CDH4: variants seen among roughly 807,000 people sequenced by gnomAD.
The protein encoded by CDH4 is cadherin-4.
Under a neutral mutation model 86.0 loss-of-function variants are expected in CDH4, and 33 were observed. The observed-to-expected ratio is 0.38, with a 90% CI of 0.29 to 0.51. The LOEUF (loss-of-function observed/expected upper bound fraction) is 0.51. Among genes scored for constraint, CDH4 ranks in the 20% least tolerant of loss-of-function variants. The pLI, the probability that CDH4 is intolerant of heterozygous loss-of-function variation, is 0.86. For synonymous variants in CDH4, 555 were observed against 549.4 expected, an observed-to-expected ratio of 1.01 and a Z score of -0.14; for missense variants, 1,114 against 1,307.4, an observed-to-expected ratio of 0.85 and a Z score of 2.28.
At chr20:61,706,636 A>G (rs1201639817) in intron 2 of CDH4, among the ~76,000 whole-genome samples, 2 of 152,102 alleles carry the variant, frequency 1.3e-5, no homozygotes, top group African/African-American at 4.8e-5. Context: ...AACCAAGACC[A>G]AAGGGATCGG....
chr20:61,812,139 A>T (rs1319125627), intron 4 of CDH4, among the ~76,000 whole-genome samples: 1 of 149,338 alleles, frequency 6.7e-6, no homozygotes, highest in Admixed American at 6.6e-5. Flanking sequence ...AGCTTCACTC[A>T]GGTTTTCTAG....
intron 2 of CDH4, among the ~76,000 whole-genome samples, chr20:61,705,501 A>G (rs1037675947): frequency 2.0e-5 from 3 of 152,336 alleles, no homozygotes; most frequent in East Asian, 1.9e-4. Flanking sequence ...CCATCTTCAC[A>G]GTGTCTTTCA....
At chr20:61,297,345 C>T (rs114661718) in intron 2 of CDH4, among the ~76,000 whole-genome samples, 63 of 152,278 alleles carry the variant, frequency 4.1e-4, no homozygotes, top group African/African-American at 1.2e-3. Context: ...GCCGAGATCG[C>T]GCCATTGTAC....
rs6061633 is a variant in CDH4, at chr20:61,544,268, A to G, written c.170-199295A>G. 0.13 allele frequency among the ~76,000 whole-genome samples: 20,061 copies of G among 152,034 alleles called. 1,403 individuals are homozygous for G. The highest frequency in any genetic ancestry group is 0.16 in the African/African-American group (6,831 of 41,478). On this transcript the variant is annotated intron_variant, in intron 2 of 15. Transcript: ENST00000614565. This position sits in a 1 kb window ranked among gnomAD's most constrained non-coding sequence, Gnocchi z 6.5. Reference sequence around the variant, plus strand: ...ATGTATATGGCGGGGTACGGCTGACATCGAGCGGGTGGAGGCTGGGTACGG... The same window carrying G: ...ATGTATATGGCGGGGTACGGCTGACGTCGAGCGGGTGGAGGCTGGGTACGG...
chr20:61,394,179 C>T (rs1371811201), intron 2 of CDH4, among the ~76,000 whole-genome samples: 1 of 152,126 alleles, frequency 6.6e-6, no homozygotes, highest in Non-Finnish European at 1.5e-5. Flanking sequence ...ATTTTCCTCT[C>T]TAACCACAGC....
At chr20:61,825,737 C>T (rs1981279573) in intron 4 of CDH4, among the ~76,000 whole-genome samples, 1 of 152,194 alleles carries the variant, frequency 6.6e-6, no homozygotes. Flanking sequence ...CAAGGCATTG[C>T]TGTTACATGG....
intron 2 of CDH4, among the ~76,000 whole-genome samples, chr20:61,520,335 C>A (rs1032824667): frequency 3.3e-5 from 5 of 152,214 alleles, no homozygotes; most frequent in Non-Finnish European, 5.9e-5. Context: ...GCCTAGGAAC[C>A]CAGGCTCCAG....
At chr20:61,884,467 G>T (rs1467979722) in intron 7 of CDH4, among the ~76,000 whole-genome samples, 1 of 152,156 alleles carries the variant, frequency 6.6e-6, no homozygotes, top group Non-Finnish European at 1.5e-5. Context: ...AGTTTAAAGG[G>T]GTGAGCAGGG....
At chr20:61,543,696 G>T (rs1600743253) in intron 2 of CDH4, among the ~76,000 whole-genome samples, 1 of 152,200 alleles carries the variant, frequency 6.6e-6, no homozygotes, top group African/African-American at 2.4e-5. Flanking sequence ...CCCCCAGGAG[G>T]CTGCATAAAG....
At chr20:61,760,315 TC>T in intron 3 of CDH4, among the ~76,000 whole-genome samples, 1 of 152,162 alleles carries the variant, frequency 6.6e-6, no homozygotes, top group Non-Finnish European at 1.5e-5. Flanking sequence ...CTCTAAACTT[TC>T]CCCCAGGACA....
chr20:61,482,614 C>A (rs1568860651), intron 2 of CDH4, among the ~76,000 whole-genome samples: 1 of 152,212 alleles, frequency 6.6e-6, no homozygotes, highest in African/African-American at 2.4e-5. Context: ...CCCTGTTCTG[C>A]TGCACCGCTT....
chr20:61,620,560 G>A (rs568663255), intron 2 of CDH4, among the ~76,000 whole-genome samples: 2 of 152,058 alleles, frequency 1.3e-5, no homozygotes, highest in Non-Finnish European at 2.9e-5. Context: ...GATACATGGA[G>A]AAATAAAGAG....
intron 2 of CDH4, among the ~76,000 whole-genome samples, chr20:61,626,880 CAT>C (rs1029231262): frequency 7.2e-5 from 11 of 152,226 alleles, no homozygotes; most frequent in Non-Finnish European, 8.8e-5. Context: ...CTCTAGAAAA[CAT>C]GTTTGTTTTC....
At chr20:61,873,949 G>T (rs200005982) in intron 7 of CDH4, 49 bp downstream of exon 7, 1 of 1,594,402 alleles carries the variant, frequency 6.3e-7, no homozygotes, top group Non-Finnish European at 8.6e-7. Context: ...CCTGGTCCCC[G>T]CAGGACACCC....
chr20:61,691,819 C>T (rs2087658807), intron 2 of CDH4, among the ~76,000 whole-genome samples: 1 of 152,248 alleles, frequency 6.6e-6, no homozygotes, highest in Admixed American at 6.5e-5. Flanking sequence ...TATGGTCTGT[C>T]ACTGGTGGAG....
intron 2 of CDH4, among the ~76,000 whole-genome samples, chr20:61,639,865 T>G (rs1331965503): frequency 6.6e-6 from 1 of 152,192 alleles, no homozygotes; most frequent in African/African-American, 2.4e-5. Context: ...GAAAATTATC[T>G]GGCTATCTCA....
At chr20:61,736,076 C>T (rs1402692875) in intron 2 of CDH4, among the ~76,000 whole-genome samples, 1 of 152,180 alleles carries the variant, frequency 6.6e-6, no homozygotes, top group Non-Finnish European at 1.5e-5. Flanking sequence ...TCAGGGTGCC[C>T]CCCACTCCTG....
intron 2 of CDH4, among the ~76,000 whole-genome samples, chr20:61,287,618 T>C (rs1286438005): frequency 6.6e-6 from 1 of 152,140 alleles, no homozygotes; most frequent in Non-Finnish European, 1.5e-5. Flanking sequence ...AGCCTGGAGT[T>C]TGGTGGACCG....
At chr20:61,766,146 C>T (rs994412171) in intron 3 of CDH4, among the ~76,000 whole-genome samples, 3 of 152,002 alleles carry the variant, frequency 2.0e-5, no homozygotes, top group Non-Finnish European at 2.9e-5. Context: ...CCACTTTGCT[C>T]ACGGTGCCCT....
Sources: gnomAD v4.1 joint callset for allele counts (sites outside exome capture counted in the v4.1 genomes callset) on GRCh38, gnomAD v4.1.1 for gene constraint, Gnocchi (gnomAD v3.1) non-coding constraint, MANE v1.5 for transcripts, NCBI Gene and HGNC (gene_info 2026-07-23, HGNC 2026-07-21) for gene names.